Variants in SEMA3D observed in about 807,000 individuals in gnomAD.
SEMA3D encodes semaphorin-3D.
In SEMA3D, 84 loss-of-function variants were observed where a neutral mutation model predicts 100.1. That is an observed-to-expected ratio of 0.84 (90% confidence interval 0.70 to 1.01). SEMA3D has a LOEUF of 1.01. Among genes scored for constraint, SEMA3D ranks in the 50% least tolerant of loss-of-function variants. The pLI, the probability that SEMA3D is intolerant of heterozygous loss-of-function variation, is 0.00. For synonymous variants in SEMA3D, 312 were observed against 320.7 expected (o/e 0.97, Z 0.29); for missense variants, 875 against 934.1 (o/e 0.94, Z 0.82).
chr7:85,158,310 C>T (rs1431356075), intron 1 of SEMA3D, among the ~76,000 whole-genome samples: 1 of 152,146 alleles, frequency 6.6e-6, no homozygotes, highest in African/African-American at 2.4e-5. Flanking sequence ...CAAGGAACAT[C>T]CCTGAGAAAG....
intron 12 of SEMA3D, among the ~76,000 whole-genome samples, chr7:85,031,853 A>G (rs1050691930): frequency 6.6e-6 from 1 of 151,970 alleles, no homozygotes; most frequent in African/African-American, 2.4e-5. Context: ...ATAACTTTAT[A>G]TAAACAAAAA....
intron 1 of SEMA3D, among the ~76,000 whole-genome samples, chr7:85,169,739 T>G (rs1012677454): frequency 1.3e-5 from 2 of 151,774 alleles, no homozygotes; most frequent in African/African-American, 2.4e-5. Context: ...CAACTCAGGA[T>G]TTTAGATTCT....
chr7:85,106,817 G>C (rs1161248465), intron 3 of SEMA3D, among the ~76,000 whole-genome samples: 2 of 152,012 alleles, frequency 1.3e-5, no homozygotes, highest in South Asian at 4.1e-4. Context: ...GCAAGCAGGG[G>C]AAATGCCAGA....
chr7:85,090,791 T>C (rs1438709944), intron 4 of SEMA3D, among the ~76,000 whole-genome samples: 5 of 152,094 alleles, frequency 3.3e-5, no homozygotes, highest in Admixed American at 3.3e-4. Context: ...AAAACTCTTG[T>C]TCTAGACTTC....
At chr7:85,110,837 A>G (rs1789073108) in intron 3 of SEMA3D, among the ~76,000 whole-genome samples, 1 of 152,010 alleles carries the variant, frequency 6.6e-6, no homozygotes, top group Admixed American at 6.6e-5. Flanking sequence ...AAATTTCCTT[A>G]AGAGAATTAT....
intron 3 of SEMA3D, among the ~76,000 whole-genome samples, chr7:85,107,325 T>A (rs574205836): frequency 6.6e-6 from 1 of 152,096 alleles, no homozygotes; most frequent in East Asian, 1.9e-4. Context: ...AGGAGCATCA[T>A]CTGGTAAAGG....
At position 85,012,822 on chromosome 7, in the gene SEMA3D, T is replaced by C; in HGVS notation, c.1728A>G (p.Lys576=). 6.2e-7 allele frequency: 1 copy of C among 1,610,528 alleles called. No homozygotes were observed. The highest frequency in any genetic ancestry group is 8.5e-7 in the Non-Finnish European group (1 of 1,177,566). ...AGCACTGGGTGATTGGGTCGCCATA[T>C]TTTACATCTTGGCGTCTAGCTCTCC... ...SKRRARRQDV[K]YGDPITQCWD... The change falls in exon 17 of 19, where the codon AAA becomes AAG. Residue 576 remains lysine (K), a synonymous_variant. Transcript: ENST00000284136.
chr7:85,229,685 G>A, the SEMA3D span, among the ~76,000 whole-genome samples: 4 of 152,032 alleles, frequency 2.6e-5, no homozygotes, highest in African/African-American at 7.2e-5. Flanking sequence ...GAAATGATTA[G>A]ATACAAATTC....
At chr7:85,123,269 A>G (rs1204328530) in intron 2 of SEMA3D, among the ~76,000 whole-genome samples, 1 of 152,096 alleles carries the variant, frequency 6.6e-6, no homozygotes, top group Non-Finnish European at 1.5e-5. Context: ...CTTCCATGTT[A>G]ATTAACTTAC....
intron 8 of SEMA3D, among the ~76,000 whole-genome samples, chr7:85,063,931 T>C (rs1016766849): frequency 6.6e-6 from 1 of 152,150 alleles, no homozygotes; most frequent in Non-Finnish European, 1.5e-5. Flanking sequence ...AAGGGTAGAA[T>C]AGCACCCAGT....
At chr7:85,156,225 C>T (rs1790592617) in intron 1 of SEMA3D, among the ~76,000 whole-genome samples, 5 of 151,858 alleles carry the variant, frequency 3.3e-5, no homozygotes, top group African/African-American at 2.4e-5. Context: ...GCCTCAGCCT[C>T]CTGAGTAGCT....
intron 17 of SEMA3D, among the ~76,000 whole-genome samples, chr7:85,011,319 C>T (rs181977627): frequency 1.1e-4 from 16 of 151,772 alleles, no homozygotes; most frequent in African/African-American, 2.9e-4. Context: ...AGGAAATTGC[C>T]GGTGACCTTG....
intron 8 of SEMA3D, among the ~76,000 whole-genome samples, chr7:85,062,147 G>A (rs574885347): frequency 2.0e-5 from 3 of 152,152 alleles, no homozygotes; most frequent in South Asian, 2.1e-4. Flanking sequence ...TCTCACCTCC[G>A]CTAGCTGTTT....
the SEMA3D span, among the ~76,000 whole-genome samples, chr7:85,201,885 A>G: frequency 4.6e-5 from 7 of 151,384 alleles, no homozygotes; most frequent in Non-Finnish European, 8.8e-5. Context: ...GCCACCAGGA[A>G]TAGCTAATAT....
At chr7:85,045,904 T>C (rs917879091) in intron 9 of SEMA3D, among the ~76,000 whole-genome samples, 3 of 151,930 alleles carry the variant, frequency 2.0e-5, no homozygotes, top group Admixed American at 6.6e-5. Context: ...AGAAGAGCAC[T>C]AGTAAAAACA....
intron 9 of SEMA3D, among the ~76,000 whole-genome samples, chr7:85,046,020 G>C (rs1421815382): frequency 1.3e-5 from 2 of 151,764 alleles, no homozygotes; most frequent in Admixed American, 6.6e-5. Flanking sequence ...AAATAATGTT[G>C]ATTCAATAAA....
chr7:85,102,101 G>A (rs979202401), intron 3 of SEMA3D, among the ~76,000 whole-genome samples: 3 of 151,880 alleles, frequency 2.0e-5, no homozygotes, highest in Non-Finnish European at 4.4e-5. Flanking sequence ...CACAACATAC[G>A]TGAAATAAAT....
intron 18 of SEMA3D, among the ~76,000 whole-genome samples, chr7:85,000,691 TCTA>T (rs1789632787): frequency 6.6e-6 from 1 of 152,216 alleles, no homozygotes; most frequent in African/African-American, 2.4e-5. Flanking sequence ...ACAAAGAACT[TCTA>T]CTGAAATGTG....
At chr7:85,052,784 C>A (rs534357782) in intron 9 of SEMA3D, among the ~76,000 whole-genome samples, 7 of 151,914 alleles carry the variant, frequency 4.6e-5, no homozygotes, top group African/African-American at 1.4e-4. Context: ...GCATTTTGCG[C>A]AGAAATTATT....
Sources: gnomAD v4.1 joint callset for allele counts (sites outside exome capture counted in the v4.1 genomes callset) on GRCh38, gnomAD v4.1.1 for gene constraint, MANE v1.5 for transcripts, NCBI Gene and HGNC (gene_info 2026-07-23, HGNC 2026-07-21) for gene names.